Variants in SMG6 observed in about 807,000 individuals in gnomAD.
The protein encoded by SMG6 is SMG6 nonsense mediated mRNA decay factor.
A neutral mutation model predicts 142.2 loss-of-function variants in SMG6; 66 were observed. The observed-to-expected ratio is 0.46, with a 90% CI of 0.38 to 0.57. The LOEUF (loss-of-function observed/expected upper bound fraction) is 0.57. Ranked by LOEUF, SMG6 falls within the 20% of genes least tolerant of loss-of-function variation. SMG6 has a pLI of 0.00. For synonymous variants in SMG6, 779 were observed against 702.4 expected, an observed-to-expected ratio of 1.11 and a Z score of -1.72; for missense variants, 1,793 against 1,832.0, an observed-to-expected ratio of 0.98 and a Z score of 0.39.
chr17:2,077,807 T>C (rs2068301871), intron 15 of SMG6, among the ~76,000 whole-genome samples: 2 of 151,960 alleles, frequency 1.3e-5, no homozygotes, highest in African/African-American at 2.4e-5. Context: ...GTTGGAACCA[T>C]AGGCACGTGC....
intron 13 of SMG6, among the ~76,000 whole-genome samples, chr17:2,105,773 A>C (rs1254038602): frequency 6.6e-6 from 1 of 152,240 alleles, no homozygotes; most frequent in Non-Finnish European, 1.5e-5. Flanking sequence ...TTCACTGGAC[A>C]TAATATGGGC....
chr17:2,199,053 T>C (rs1324556435), intron 10 of SMG6, among the ~76,000 whole-genome samples: 1 of 148,866 alleles, frequency 6.7e-6, no homozygotes, highest in Non-Finnish European at 1.5e-5. Flanking sequence ...AGGCCGTGAA[T>C]CACTGGATCA....
At chr17:2,113,645 C>G (rs553776804) in intron 13 of SMG6, among the ~76,000 whole-genome samples, 6 of 152,202 alleles carry the variant, frequency 3.9e-5, no homozygotes, top group Non-Finnish European at 8.8e-5. Context: ...CATCTAAAAC[C>G]CATGGCCTCA....
intron 13 of SMG6, among the ~76,000 whole-genome samples, chr17:2,126,205 T>C (rs1351008193): frequency 1.3e-5 from 2 of 152,088 alleles, no homozygotes; most frequent in African/African-American, 4.8e-5. Flanking sequence ...GAAGGAATAG[T>C]CTTTTCAATA....
At chr17:2,206,473 C>T (rs1200443045) in intron 10 of SMG6, among the ~76,000 whole-genome samples, 3 of 151,836 alleles carry the variant, frequency 2.0e-5, no homozygotes, top group South Asian at 2.1e-4. Flanking sequence ...CAGCTACTCA[C>T]GAGGCTGAGG....
chr17:2,127,749 G>T, intron 13 of SMG6: 1 of 558,790 alleles, frequency 1.8e-6, no homozygotes, highest in South Asian at 1.4e-5. Context: ...GATGTAGTTT[G>T]AGTTTTATTT....
chr17:2,064,561 A>C (rs955098985), intron 18 of SMG6, among the ~76,000 whole-genome samples: 1 of 152,180 alleles, frequency 6.6e-6, no homozygotes, highest in African/African-American at 2.4e-5. Flanking sequence ...AAAGCCCACT[A>C]TTCACTGGGG....
chr17:2,258,183 T>C (rs1048857081), intron 8 of SMG6, among the ~76,000 whole-genome samples: 6 of 152,058 alleles, frequency 3.9e-5, no homozygotes, highest in African/African-American at 1.4e-4. Flanking sequence ...TAAGTACTAC[T>C]ATTATTTCCT....
chr17:2,280,553 GC>G, intron 8 of SMG6: 1 of 980,914 alleles, frequency 1.0e-6, no homozygotes, highest in Non-Finnish European at 1.2e-6. Flanking sequence ...GTAAGCCACC[GC>G]GTCAGGCCAG....
intron 8 of SMG6, among the ~76,000 whole-genome samples, chr17:2,252,303 G>A (rs973953431): frequency 9.9e-5 from 15 of 151,994 alleles, no homozygotes; most frequent in Non-Finnish European, 1.8e-4. Flanking sequence ...AGGAGGCTGA[G>A]GCAGGAGAAT....
chr17:2,245,638 G>C (rs910085344), intron 8 of SMG6, among the ~76,000 whole-genome samples: 8 of 152,158 alleles, frequency 5.3e-5, no homozygotes, highest in African/African-American at 1.2e-4. Flanking sequence ...ACCTGCTTTG[G>C]CCTCCCAAAG....
chr17:2,212,334 G>A (rs889440066), intron 10 of SMG6, among the ~76,000 whole-genome samples: 12 of 152,276 alleles, frequency 7.9e-5, no homozygotes, highest in African/African-American at 2.6e-4. Context: ...GACATACGAG[G>A]AAAAAGAAAG....
intron 1 of SMG6, 76 bp from the exon 2 acceptor site, chr17:2,300,740 T>A: frequency 7.4e-7 from 1 of 1,343,428 alleles, no homozygotes; most frequent in Non-Finnish European, 1.0e-6. Context: ...GGAAAGACTG[T>A]CATTCTGGTT....
chr17:2,247,256 G>T (rs2073947099), intron 8 of SMG6, among the ~76,000 whole-genome samples: 4 of 152,192 alleles, frequency 2.6e-5, no homozygotes, highest in Admixed American at 6.5e-5. Context: ...TGGAGAATCT[G>T]GGAGAAGAAT....
chr17:2,219,930 T>C (rs965339272), intron 10 of SMG6, among the ~76,000 whole-genome samples: 1 of 152,184 alleles, frequency 6.6e-6, no homozygotes, highest in African/African-American at 2.4e-5. Context: ...TAGTATTTAT[T>C]TATTTATTTG....
At chr17:2,168,710 C>G (rs564334890) in intron 13 of SMG6, among the ~76,000 whole-genome samples, 1 of 152,020 alleles carries the variant, frequency 6.6e-6, no homozygotes, top group East Asian at 2.0e-4. Flanking sequence ...GACCCCGTCT[C>G]TATTAAAAAA....
At chr17:2,275,578 T>C (rs1211378293) in intron 8 of SMG6, among the ~76,000 whole-genome samples, 1 of 152,230 alleles carries the variant, frequency 6.6e-6, no homozygotes, top group Non-Finnish European at 1.5e-5. Context: ...AGCAGTTCTA[T>C]CAGAGACCCT....
chr17:2,295,769 GTTCACT>G (rs1160470246), intron 4 of SMG6, among the ~76,000 whole-genome samples: 1 of 152,040 alleles, frequency 6.6e-6, no homozygotes, highest in Admixed American at 6.6e-5. Flanking sequence ...ATATTCACTT[GTTCACT>G]TTCAAGTTCC....
intron 13 of SMG6, among the ~76,000 whole-genome samples, chr17:2,120,128 G>A (rs1358311459): frequency 6.6e-6 from 1 of 152,248 alleles, no homozygotes; most frequent in Non-Finnish European, 1.5e-5. Context: ...GCTTAGAGGA[G>A]AACCGAGTAG....
Sources: allele counts gnomAD v4.1 joint callset (sites outside exome capture counted in the v4.1 genomes callset), GRCh38; gene constraint gnomAD v4.1.1; transcripts MANE v1.5; gene names NCBI Gene and HGNC (gene_info 2026-07-23, HGNC 2026-07-21).